Variants in AVEN observed in about 807,000 individuals in gnomAD.
The protein encoded by AVEN is cell death regulator Aven.
Under a neutral mutation model 38.1 loss-of-function variants are expected in AVEN, and 41 were observed. The ratio of observed to expected loss-of-function variants is 1.08; its 90% CI spans 0.84 to 1.40. The LOEUF (loss-of-function observed/expected upper bound fraction) is 1.40, where lower values mean the gene tolerates loss of function less well. Ranked by LOEUF, AVEN falls within the 40% of genes most tolerant of loss-of-function variation. AVEN has a pLI of 0.00. For synonymous variants in AVEN, 206 were observed against 171.8 expected, an observed-to-expected ratio of 1.20 and a Z score of -1.56; for missense variants, 605 against 438.8, an observed-to-expected ratio of 1.38 and a Z score of -3.38.
chr15:34,032,023 G>GCACACACA (rs10643932), intron 1 of AVEN, among the ~76,000 whole-genome samples: 66,591 of 148,852 alleles, frequency 0.45, 17,901 homozygotes, highest in Non-Finnish European at 0.62. Flanking sequence ...GCGCGCACAC[G>GCACACACA]CACACACACA....
At chr15:34,019,035 G>T (rs1254697764) in intron 1 of AVEN, among the ~76,000 whole-genome samples, 2 of 150,800 alleles carry the variant, frequency 1.3e-5, no homozygotes, top group Non-Finnish European at 2.9e-5. Flanking sequence ...GCGCTGATTG[G>T]TGCGTTTTTT....
chr15:33,974,997 T>C (rs1169343490), intron 2 of AVEN, among the ~76,000 whole-genome samples: 1 of 152,106 alleles, frequency 6.6e-6, no homozygotes, highest in African/African-American at 2.4e-5. Flanking sequence ...ACAACAGATT[T>C]TGAGTTTTGA....
In AVEN at chr15:33,964,526, G is replaced by T. The variant is rs146161396; in HGVS notation, c.445+38506C>A. Among the ~76,000 whole-genome samples the T allele has an allele frequency of 5.3e-5, 8 of 152,114 alleles. 1 individual carries two copies. The highest frequency in any genetic ancestry group is 1.9e-4 in the African/African-American group (8 of 41,494). ...ATGCCAAAAGAAAAAAAATGCAATC[G>T]TTTTACCCGAATGTAATACATATGA... On this transcript the variant is annotated intron_variant, in intron 2 of 5. Transcript: ENST00000306730.
chr15:34,060,320 G>A (rs1567492937), intron 5 of AVEN, among the ~76,000 whole-genome samples: 1 of 152,186 alleles, frequency 6.6e-6, no homozygotes, highest in Non-Finnish European at 1.5e-5. Context: ...GAAGAAGCAT[G>A]CAAGATTGGG....
At position 34,036,210 on chromosome 15, in the gene AVEN, C is replaced by T. The variant is rs954638084; in HGVS notation, c.267+2570G>A. Among the ~76,000 whole-genome samples the T allele has an allele frequency of 1.3e-5, 2 of 151,992 alleles. 1 individual carries two copies. Among genetic ancestry groups the T allele is most frequent in the African/African-American group, 4.8e-5 (2 of 41,360 alleles). ...ATAATCAGTAAGCTTAGAGCTCAGA[C>T]CATTTACAGAAGGAATGATTTAAGA... is the stretch of plus-strand genomic sequence containing the variant. On this transcript the variant is annotated intron_variant, in intron 1 of 5. Coordinates refer to ENST00000306730, the MANE Select transcript of AVEN (RefSeq NM_020371.3).
Position 34,010,848 on chromosome 15 carries a change from T to C in AVEN, c.268-7639A>G, listed in dbSNP as rs1174710955. Among the ~76,000 whole-genome samples, 3 of 152,240 alleles carry C rather than the reference T, an allele frequency of 2.0e-5. No individual in the cohort carries two copies. In the East Asian group the frequency reaches 5.8e-4, roughly 29 times the overall value. ...AGCTTTAAAATATATAACTGATTAA[T>C]AGTTAATTGCCAACTTTTATATTTG... On this transcript the variant is annotated intron_variant, in intron 1 of 5. Coordinates refer to ENST00000306730, the MANE Select transcript of AVEN (RefSeq NM_020371.3).
chr15:33,938,910 C>T lies in AVEN; in HGVS notation c.446-62915G>A, dbSNP rs138574609. Among the ~76,000 whole-genome samples the T allele has an allele frequency of 8.6e-3, 1,300 of 151,998 alleles. 17 individuals carry two copies. The highest frequency in any genetic ancestry group is 0.026 in the South Asian group (127 of 4,810). On this transcript the variant is annotated intron_variant, in intron 2 of 5. Transcript: ENST00000306730. ...AGGCTGGAATGCAATGGCGCCATCT[C>T]GGCTCACTGCAACCTCTGCCTTCTG...
chr15:33,998,421 G>C (rs993731016), intron 2 of AVEN, among the ~76,000 whole-genome samples: 1 of 152,078 alleles, frequency 6.6e-6, no homozygotes, highest in Non-Finnish European at 1.5e-5. Flanking sequence ...CCAGGAATTC[G>C]AGACCAGCCT....
chr15:33,933,841 C>T (rs575317392), intron 2 of AVEN, among the ~76,000 whole-genome samples: 165 of 152,182 alleles, frequency 1.1e-3, no homozygotes, highest in Non-Finnish European at 1.7e-3. Context: ...CACCTGTAAT[C>T]CCAGCTACTC....
intron 2 of AVEN, among the ~76,000 whole-genome samples, chr15:33,965,948 T>A (rs974494842): frequency 6.6e-6 from 1 of 152,002 alleles, no homozygotes; most frequent in Middle Eastern, 3.4e-3. Context: ...AAGAACAACA[T>A]CAGGAATACC....
chr15:33,942,413 T>C (rs1460929491), intron 2 of AVEN, among the ~76,000 whole-genome samples: 1 of 152,132 alleles, frequency 6.6e-6, no homozygotes, highest in Admixed American at 6.5e-5. Flanking sequence ...GAAGTTGTAC[T>C]TGGTAACATG....
chr15:34,064,601 A>G (rs1900462283), intron 4 of AVEN: 1 of 415,104 alleles, frequency 2.4e-6, no homozygotes, highest in Non-Finnish European at 4.5e-6. Context: ...GAGGAAGCAC[A>G]CTGGGTAACA....
At position 33,887,030 on chromosome 15, in the gene AVEN, C is replaced by T. The variant is rs145192670; in HGVS notation, c.446-11035G>A. On this transcript the variant is annotated intron_variant, in intron 2 of 5. Coordinates refer to ENST00000306730, the MANE Select transcript of AVEN (RefSeq NM_020371.3). ...AGGTTTTCTAGAAACTACAATAGAA[C>T]ATTTGCACTCATTTCTCTTTTGGAC... Among the ~76,000 whole-genome samples, 537 of 152,294 alleles carry T rather than the reference C, an allele frequency of 3.5e-3. 1 individual carries two copies. Among genetic ancestry groups the T allele is most frequent in the Non-Finnish European group, 5.8e-3 (397 of 68,008 alleles).
chr15:33,867,741 C>T lies in AVEN; in HGVS notation c.727G>A (p.Glu243Lys). 2.5e-6 allele frequency: 4 copies of T among 1,614,184 alleles called. No individual in the cohort carries two copies. The East Asian group carries it at 6.7e-5, about 27-fold the overall frequency. ...CAGCCAGCAGCCACAGATTTCAGCTCAAAGATGGGCCCCCTTCCTCCAGGC... is the reference window on the plus strand; with the variant it reads ...CAGCCAGCAGCCACAGATTTCAGCTTAAAGATGGGCCCCCTTCCTCCAGGC... ...LGPGGRGPIF[E>K]LKSVAAGCPV... The change falls in exon 5 of 6, where the codon GAG becomes AAG. Residue 243 changes from glutamate to lysine, a missense_variant. Physicochemically the swap from Glu to Lys is moderately conservative, Grantham distance 56 (BLOSUM62 1). Transcript: ENST00000306730.
intron 3 of AVEN, among the ~76,000 whole-genome samples, chr15:33,874,594 G>C (rs1008143163): frequency 6.6e-6 from 1 of 152,040 alleles, no homozygotes; most frequent in Non-Finnish European, 1.5e-5. Flanking sequence ...CCTTATTTTA[G>C]GTTGTATTCT....
chr15:34,061,988 C>T (rs187317421), intron 5 of AVEN, among the ~76,000 whole-genome samples: 1 of 152,162 alleles, frequency 6.6e-6, no homozygotes, highest in African/African-American at 2.4e-5. Context: ...CCCTTATGAT[C>T]ATTGCAATCT....
chr15:33,861,806 A>C (rs1348836668), downstream of AVEN, among the ~76,000 whole-genome samples: 1 of 151,882 alleles, frequency 6.6e-6, no homozygotes, highest in Non-Finnish European at 1.5e-5. Context: ...GTCTGTTTTC[A>C]TACTGCCTTT....
downstream of AVEN, chr15:33,857,749 C>G (rs754825665): frequency 4.3e-6 from 7 of 1,613,436 alleles, no homozygotes; most frequent in Non-Finnish European, 5.9e-6. Flanking sequence ...AGACCCCACT[C>G]CTTTTCCTTT....
chr15:33,994,247 G>A (rs1896846774), intron 2 of AVEN, among the ~76,000 whole-genome samples: 1 of 152,188 alleles, frequency 6.6e-6, no homozygotes, highest in African/African-American at 2.4e-5. Flanking sequence ...ATTCTCATAG[G>A]AGCCAAACCC....
Sources: allele counts gnomAD v4.1 joint callset (sites outside exome capture counted in the v4.1 genomes callset), GRCh38; gene constraint gnomAD v4.1.1; transcripts MANE v1.5; gene names NCBI Gene and HGNC (gene_info 2026-07-23, HGNC 2026-07-21).